Variants in SLCO1A2 observed in about 807,000 individuals in gnomAD.
The protein encoded by SLCO1A2 is OATP-1.
SLCO1A2 carries 67 observed loss-of-function variants against 69.0 expected under a neutral mutation model. The ratio of observed to expected loss-of-function variants is 0.97; its 90% CI spans 0.80 to 1.19. The LOEUF is 1.19. Among genes scored for constraint, SLCO1A2 ranks in the 50% most tolerant of loss-of-function variants. The probability of loss-of-function intolerance (pLI) is 0.00; values close to 1 mark genes in which losing one functional copy is unlikely to be tolerated. For missense variants in SLCO1A2, 787 were observed against 793.7 expected (o/e 0.99, Z 0.10); for synonymous variants, 260 against 265.9 (o/e 0.98, Z 0.22).
At chr12:21,297,380 T>C in intron 9 of SLCO1A2, 24 bp downstream of exon 9, 1 of 1,595,968 alleles carries the variant, frequency 6.3e-7, no homozygotes, top group Non-Finnish European at 8.6e-7. Flanking sequence ...AGTGTGCTAG[T>C]AAGGCAGAGA....
At chr12:21,339,906 G>A (rs1219697202), upstream of SLCO1A2, among the ~76,000 whole-genome samples, 1 of 151,978 alleles carries the variant, frequency 6.6e-6, no homozygotes, top group Non-Finnish European at 1.5e-5. Context: ...TGTGAGGCCA[G>A]ATAAACAAAT....
chr12:21,396,750 G>A (rs903928094), upstream of SLCO1A2, among the ~76,000 whole-genome samples: 19 of 152,232 alleles, frequency 1.2e-4, no homozygotes, highest in African/African-American at 4.6e-4. Context: ...TTTCAACCCA[G>A]AATTTCATAT....
At chr12:21,416,338 T>C (rs1376748975) in intron 1 of SLCO1A2, among the ~76,000 whole-genome samples, 4 of 145,166 alleles carry the variant, frequency 2.8e-5, no homozygotes, top group East Asian at 2.1e-4. Context: ...TGAATGAAGA[T>C]TCACTATAGA....
chr12:21,333,652 C>T (rs574869094), intron 2 of SLCO1A2, among the ~76,000 whole-genome samples: 1 of 152,078 alleles, frequency 6.6e-6, no homozygotes, highest in Admixed American at 6.6e-5. Context: ...TTATAAATAC[C>T]ACTTGACTTT....
chr12:21,366,318 A>G (rs1361925370), intron 2 of SLCO1A2, among the ~76,000 whole-genome samples: 1 of 142,772 alleles, frequency 7.0e-6, no homozygotes, highest in Non-Finnish European at 1.5e-5. Context: ...CAAACACCAC[A>G]TGTTCTCACT....
chr12:21,341,383 GATC>G (rs1031223795), intron 2 of SLCO1A2, among the ~76,000 whole-genome samples: 32 of 152,026 alleles, frequency 2.1e-4, no homozygotes, highest in African/African-American at 7.7e-4. Flanking sequence ...TTTCCACAAG[GATC>G]ATTATGTTTT....
chr12:21,340,609 A>G (rs929861119), intron 2 of SLCO1A2, among the ~76,000 whole-genome samples: 3 of 151,990 alleles, frequency 2.0e-5, no homozygotes, highest in African/African-American at 7.2e-5. Flanking sequence ...TCCAGTGACC[A>G]CATGGAAAGT....
chr12:21,365,347 T>C (rs1303846606), intron 2 of SLCO1A2, among the ~76,000 whole-genome samples: 2 of 152,176 alleles, frequency 1.3e-5, no homozygotes, highest in African/African-American at 2.4e-5. Flanking sequence ...TAGCCATATG[T>C]AGAAAGCTGA....
intron 8 of SLCO1A2, among the ~76,000 whole-genome samples, chr12:21,300,144 A>T (rs1419107027): frequency 6.6e-6 from 1 of 151,762 alleles, no homozygotes; most frequent in Non-Finnish European, 1.5e-5. Context: ...TGCTGATCTG[A>T]AATATTTCAG....
chr12:21,312,958 T>C (rs573031524), intron 4 of SLCO1A2, among the ~76,000 whole-genome samples: 1 of 152,220 alleles, frequency 6.6e-6, no homozygotes, highest in East Asian at 1.9e-4. Context: ...TAGTGGCACA[T>C]GCCTGTAGTT....
intron 2 of SLCO1A2, among the ~76,000 whole-genome samples, chr12:21,370,115 T>A (rs561432725): frequency 5.9e-5 from 9 of 152,298 alleles, no homozygotes; most frequent in Middle Eastern, 3.4e-3. Flanking sequence ...ATATCCTGGA[T>A]CAGACAGATA....
intron 1 of SLCO1A2, among the ~76,000 whole-genome samples, chr12:21,392,737 A>G (rs1051891476): frequency 3.9e-5 from 6 of 152,210 alleles, no homozygotes; most frequent in Admixed American, 2.6e-4. Flanking sequence ...GTGGTCTAAA[A>G]TAGGTTCTCC....
upstream of SLCO1A2, chr12:21,419,092 T>A (rs1346692563): frequency 6.6e-6 from 1 of 152,182 alleles, no homozygotes; most frequent in African/African-American, 2.4e-5. Flanking sequence ...CTCTGGTTAC[T>A]ATTTAACCCA....
chr12:21,269,600 A>G lies in SLCO1A2; in HGVS notation c.1961T>C (p.Ile654Thr), dbSNP rs199614868. The change falls in exon 15 of 15, where the codon ATA (isoleucine) becomes ACA (threonine). Residue 654 changes from isoleucine (I) to threonine (T), a missense_variant. Physicochemically the swap from Ile to Thr is moderately conservative, Grantham distance 89 (BLOSUM62 -1). Transcript: ENST00000683939. ...VKGKENECKD[I>T]YQKSTVLKDD... Reference sequence around the variant, plus strand: ...TTTCAAAACCGTGGACTTTTGGTATATATCTTTGCACTCATTTTCCTTCCC... The same window carrying G: ...TTTCAAAACCGTGGACTTTTGGTATGTATCTTTGCACTCATTTTCCTTCCC... The G allele has an allele frequency of 3.7e-6, 6 of 1,612,452 alleles. No homozygotes were observed. In the South Asian group the frequency reaches 4.4e-5, roughly 12 times the overall value.
chr12:21,289,330 T>C (rs1429644876), intron 12 of SLCO1A2, among the ~76,000 whole-genome samples: 1 of 152,050 alleles, frequency 6.6e-6, no homozygotes, highest in Non-Finnish European at 1.5e-5. Context: ...GGAATGTATT[T>C]TGTCATTCTT....
intron 2 of SLCO1A2, chr12:21,373,449 C>T (rs377231142): frequency 4.5e-6 from 7 of 1,562,412 alleles, no homozygotes; most frequent in East Asian, 2.2e-5. Context: ...ACTTTAAAAT[C>T]CTGTTTCTTT....
At chr12:21,295,814 T>G in intron 9 of SLCO1A2, 22 bp from the exon 10 acceptor site, 1 of 1,312,398 alleles carries the variant, frequency 7.6e-7, no homozygotes, top group Non-Finnish European at 1.1e-6. Context: ...AATAAAATAT[T>G]ATTTACAAAA....
At chr12:21,388,188 T>C (rs1404898713) in intron 1 of SLCO1A2, among the ~76,000 whole-genome samples, 1 of 151,236 alleles carries the variant, frequency 6.6e-6, no homozygotes, top group African/African-American at 2.4e-5. Context: ...ACTTTGGACT[T>C]GGACTTTTGA....
At chr12:21,406,241 C>A (rs1565534314) in intron 1 of SLCO1A2, among the ~76,000 whole-genome samples, 1 of 152,208 alleles carries the variant, frequency 6.6e-6, no homozygotes, top group African/African-American at 2.4e-5. Context: ...CAAGTCAGAA[C>A]ATTTTTTTCT....
Sources: allele counts gnomAD v4.1 joint callset (sites outside exome capture counted in the v4.1 genomes callset), GRCh38; gene constraint gnomAD v4.1.1; transcripts MANE v1.5; gene names NCBI Gene and HGNC (gene_info 2026-07-23, HGNC 2026-07-21).